The following OR51B5 variants were observed in gnomAD, a reference collection of about 807,000 sequenced individuals.
OR51B5 encodes olfactory receptor 51B5.
For missense variants in OR51B5, 456 were observed against 374.6 expected, an observed-to-expected ratio of 1.22 and a Z score of -1.79; for synonymous variants, 186 against 144.8, an observed-to-expected ratio of 1.28 and a Z score of -2.04.
intron 1 of OR51B5, among the ~76,000 whole-genome samples, chr11:5,384,908 C>T (rs1284192245): frequency 6.6e-6 from 1 of 152,136 alleles, no homozygotes; most frequent in Non-Finnish European, 1.5e-5. Context: ...TCTAGGGGTT[C>T]AAAAATGAAT....
At chr11:5,431,246 T>C (rs1850531122) in intron 1 of OR51B5, 1 of 334,818 alleles carries the variant, frequency 3.0e-6, no homozygotes, top group African/African-American at 2.2e-5. Flanking sequence ...TCATAGCTCA[T>C]GGCTAGTAGG....
intron 1 of OR51B5, among the ~76,000 whole-genome samples, chr11:5,429,436 T>C (rs1043949276): frequency 5.9e-5 from 9 of 152,106 alleles, no homozygotes; most frequent in African/African-American, 2.2e-4. Flanking sequence ...GAGAATAATA[T>C]GTGGTGAGGA....
intron 1 of OR51B5, chr11:5,453,321 T>C (rs1850885901): frequency 8.7e-6 from 4 of 460,616 alleles, no homozygotes; most frequent in Non-Finnish European, 1.1e-5. Flanking sequence ...GGAGTTTGCC[T>C]GCATCATCTC....
chr11:5,418,469 C>G (rs1015888098), intron 1 of OR51B5, among the ~76,000 whole-genome samples: 1 of 151,470 alleles, frequency 6.6e-6, no homozygotes, highest in African/African-American at 2.4e-5. Context: ...AAAAAAGCAC[C>G]GAACCAATCC....
intron 1 of OR51B5, chr11:5,389,590 C>A (rs1173009557): frequency 6.2e-7 from 1 of 1,613,716 alleles, no homozygotes; most frequent in Non-Finnish European, 8.5e-7. Context: ...TTAAGACCAA[C>A]CCTCGTCTGC....
chr11:5,440,310 T>A (rs930982493), intron 1 of OR51B5, among the ~76,000 whole-genome samples: 2 of 152,194 alleles, frequency 1.3e-5, no homozygotes, highest in Non-Finnish European at 2.9e-5. Flanking sequence ...TTTTATATTT[T>A]CTCTTCACAT....
chr11:5,477,918 A>G (rs2879746), intron 1 of OR51B5, among the ~76,000 whole-genome samples: 88,874 of 151,144 alleles, frequency 0.59, 26,585 homozygotes, highest in South Asian at 0.66. Context: ...ACTGCAAGGC[A>G]GCAGGGAGGC....
chr11:5,363,742 A>AGC (rs749047343), intron 1 of OR51B5, among the ~76,000 whole-genome samples: 2 of 152,214 alleles, frequency 1.3e-5, no homozygotes, highest in African/African-American at 4.8e-5. Context: ...GTTATTGGAA[A>AGC]GCGGGAAAGT....
chr11:5,471,867 A>G (rs1851234962), intron 1 of OR51B5, among the ~76,000 whole-genome samples: 1 of 152,142 alleles, frequency 6.6e-6, no homozygotes, highest in East Asian at 1.9e-4. Flanking sequence ...TGCAAAGTAA[A>G]CATTGAAGGT....
chr11:5,461,465 G>A (rs1393352361), intron 1 of OR51B5, among the ~76,000 whole-genome samples: 3 of 152,146 alleles, frequency 2.0e-5, no homozygotes, highest in Non-Finnish European at 4.4e-5. Flanking sequence ...GGCAGACTGG[G>A]GCTCATTCAG....
intron 1 of OR51B5, chr11:5,422,430 T>C: frequency 6.2e-7 from 1 of 1,614,176 alleles, no homozygotes; most frequent in Non-Finnish European, 8.5e-7. Flanking sequence ...GGTCTCACCC[T>C]CACCACCCTA....
At chr11:5,430,432 A>G (rs143060089) in intron 1 of OR51B5, among the ~76,000 whole-genome samples, 1 of 152,332 alleles carries the variant, frequency 6.6e-6, no homozygotes, top group East Asian at 1.9e-4. Context: ...TAGAAGAGAA[A>G]GTCATGTACA....
At chr11:5,343,654 T>G, upstream of OR51B5, 1 of 548,006 alleles carries the variant, frequency 1.8e-6, no homozygotes, top group Middle Eastern at 4.6e-4. Flanking sequence ...GACATCAATA[T>G]AAGTGATTGT....
At position 5,460,415 on chromosome 11, in the gene OR51B5, T is replaced by A. The variant is rs141192925; in HGVS notation, n.84+45154A>T. On this transcript the variant is annotated intron_variant and non_coding_transcript_variant, in intron 1 of 4. Coordinates refer to the OR51B5 transcript ENST00000415970. ...AAAGTTTTGAAAAAAGAAATTCTTC[T>A]ACTGAATTTTTTATTTCTAGAAGTT... Among the ~76,000 whole-genome samples, 395 of 152,368 alleles carry A rather than the reference T, an allele frequency of 2.6e-3. 1 individual carries two copies. Among genetic ancestry groups the A allele is most frequent in the African/African-American group, 8.2e-3 (341 of 41,602 alleles).
intron 1 of OR51B5, chr11:5,403,112 G>A (rs1316561757): frequency 2.1e-6 from 1 of 471,400 alleles, no homozygotes; most frequent in African/African-American, 2.0e-5. Flanking sequence ...CTGCCCTTCT[G>A]TGGCCACAAT....
chr11:5,378,569 A>T (rs1849563790), intron 1 of OR51B5, among the ~76,000 whole-genome samples: 1 of 152,206 alleles, frequency 6.6e-6, no homozygotes, highest in African/African-American at 2.4e-5. Context: ...TCATCTGACA[A>T]AGGGCTAATA....
intron 1 of OR51B5, among the ~76,000 whole-genome samples, chr11:5,407,216 G>A (rs528588603): frequency 6.6e-6 from 1 of 152,216 alleles, no homozygotes; most frequent in South Asian, 2.1e-4. Flanking sequence ...TATATACTTA[G>A]AAGATGGACA....
intron 1 of OR51B5, among the ~76,000 whole-genome samples, chr11:5,457,529 G>C (rs894724910): frequency 6.6e-6 from 1 of 152,038 alleles, no homozygotes; most frequent in Non-Finnish European, 1.5e-5. Context: ...TCTAAGTTAT[G>C]TGAGAAATAT....
At chr11:5,346,896 G>C (rs1165624385), upstream of OR51B5, 3 of 152,070 alleles carry the variant, frequency 2.0e-5, no homozygotes, top group Non-Finnish European at 4.4e-5. Context: ...AGATCATGTT[G>C]TTCCTTCTCA....
Sources: allele counts gnomAD v4.1 joint callset (sites outside exome capture counted in the v4.1 genomes callset), GRCh38; gene constraint gnomAD v4.1.1; transcripts MANE v1.5; gene names NCBI Gene and HGNC (gene_info 2026-07-23, HGNC 2026-07-21).